The following CLDN10 variants were observed in gnomAD, a reference collection of about 807,000 sequenced individuals.
CLDN10 encodes claudin-10.
In CLDN10, 15 loss-of-function variants were observed where a neutral mutation model predicts 22.9. That is an observed-to-expected ratio of 0.65 (90% confidence interval 0.44 to 1.01). CLDN10 has a LOEUF of 1.01. Among genes scored for constraint, CLDN10 ranks in the 50% least tolerant of loss-of-function variants. CLDN10 has a pLI of 0.00. For synonymous variants in CLDN10, 114 were observed against 111.4 expected (o/e 1.02, Z -0.15); for missense variants, 247 against 287.8 (o/e 0.86, Z 1.03).
intron 1 of CLDN10, among the ~76,000 whole-genome samples, chr13:95,496,677 C>T (rs1290567749): frequency 2.0e-5 from 3 of 152,204 alleles, no homozygotes; most frequent in Admixed American, 1.3e-4. Context: ...TGACCCAGCC[C>T]TTGTCTCTTC....
At chr13:95,500,819 G>A (rs1341804657) in intron 1 of CLDN10, among the ~76,000 whole-genome samples, 2 of 151,944 alleles carry the variant, frequency 1.3e-5, no homozygotes, top group African/African-American at 4.8e-5. Context: ...TTAGAGAAGT[G>A]ACCTCATTTT....
intron 1 of CLDN10, among the ~76,000 whole-genome samples, chr13:95,499,734 C>T (rs2042965516): frequency 6.6e-6 from 1 of 152,090 alleles, no homozygotes. Flanking sequence ...ATGGAATCAG[C>T]AGCGGAGCCC....
intron 1 of CLDN10, among the ~76,000 whole-genome samples, chr13:95,522,372 T>C (rs2043232243): frequency 6.6e-6 from 1 of 152,068 alleles, no homozygotes; most frequent in Non-Finnish European, 1.5e-5. Flanking sequence ...ATTTCTTTTT[T>C]GACAACTGAT....
chr13:95,481,948 G>C (rs1368658872), intron 1 of CLDN10, among the ~76,000 whole-genome samples: 1 of 152,178 alleles, frequency 6.6e-6, no homozygotes, highest in Non-Finnish European at 1.5e-5. Context: ...GAACCCAGGA[G>C]GCGGAGGTTG....
intron 1 of CLDN10, chr13:95,434,131 G>C: frequency 2.4e-6 from 3 of 1,236,466 alleles, no homozygotes; most frequent in Non-Finnish European, 3.5e-6. Flanking sequence ...ATGGCTGGCT[G>C]TTAACTCTCT....
At chr13:95,521,442 T>C (rs1309144997) in intron 1 of CLDN10, among the ~76,000 whole-genome samples, 2 of 152,162 alleles carry the variant, frequency 1.3e-5, no homozygotes, top group Non-Finnish European at 2.9e-5. Flanking sequence ...GGGATGGTCA[T>C]ATTATTTCTC....
chr13:95,498,136 G>A (rs1594565481), intron 1 of CLDN10, among the ~76,000 whole-genome samples: 1 of 152,206 alleles, frequency 6.6e-6, no homozygotes. Context: ...GAATCTGAAG[G>A]TCAGTGTGTG....
intron 1 of CLDN10, among the ~76,000 whole-genome samples, chr13:95,555,054 T>TTTG (rs1334296395): frequency 7.4e-5 from 11 of 149,368 alleles, no homozygotes; most frequent in Non-Finnish European, 1.0e-4. Context: ...CCAGTTTTTT[T>TTTG]TTTTTTTTTT....
intron 1 of CLDN10, among the ~76,000 whole-genome samples, chr13:95,488,218 G>C (rs2042826707): frequency 6.7e-6 from 1 of 148,424 alleles, no homozygotes; most frequent in Non-Finnish European, 1.5e-5. Flanking sequence ...CTCTTGACCT[G>C]GGTGACAGAG....
chr13:95,555,217 A>C (rs1443927637), intron 1 of CLDN10, among the ~76,000 whole-genome samples: 1 of 151,686 alleles, frequency 6.6e-6, no homozygotes, highest in African/African-American at 2.4e-5. Context: ...TGCCCGGCTA[A>C]TTTTTTTTGC....
intron 1 of CLDN10, among the ~76,000 whole-genome samples, chr13:95,475,307 C>A (rs947468815): frequency 2.6e-5 from 4 of 152,160 alleles, no homozygotes; most frequent in African/African-American, 9.7e-5. Flanking sequence ...GGAGAAATAA[C>A]CTTGGTTCAA....
chr13:95,502,865 T>C (rs1396560869), intron 1 of CLDN10, among the ~76,000 whole-genome samples: 1 of 152,188 alleles, frequency 6.6e-6, no homozygotes, highest in African/African-American at 2.4e-5. Context: ...TCCCGATGCA[T>C]TATGCTCACT....
At position 95,575,532 on chromosome 13, in the gene CLDN10, G is replaced by A. The variant is rs576995220; in HGVS notation, c.465-1699G>A. ...TGAAAGTATCTTTTCTGAAACTCCC[G>A]GTCAGCACTCCTGATTTAGCCAGCT... On this transcript the variant is annotated intron_variant, in intron 3 of 4. Transcript: ENST00000299339. Among the ~76,000 whole-genome samples, 191 of 151,640 alleles carry A rather than the reference G, an allele frequency of 1.3e-3. 1 individual carries two copies. The highest frequency in any genetic ancestry group is 4.2e-3 in the African/African-American group (174 of 40,980).
rs747858836 is a variant in CLDN10 at position 95,579,097 on chromosome 13, G to A, written c.*1083G>A. On this transcript the variant is annotated 3_prime_UTR_variant, in exon 5 of 5. Coordinates refer to ENST00000299339, the MANE Select transcript of CLDN10 (RefSeq NM_006984.5). ...TTATATCCTACTGCTCAAGGTCATC[G>A]CCAAGGTGTGATTGGAAAAATTCAA... The A allele has an allele frequency of 2.6e-5, 4 of 152,174 alleles. No homozygotes were observed. The highest frequency in any genetic ancestry group is 4.8e-5 in the African/African-American group (2 of 41,432). The allele number at this position is 152,174 out of a possible 1,614,324, so 9.4% of individuals were successfully genotyped here.
At chr13:95,434,021 C>A in exon 1 of CLDN10, 1 of 1,614,062 alleles carries the variant, frequency 6.2e-7, no homozygotes, top group Non-Finnish European at 8.5e-7. Flanking sequence ...CATTGCCGAC[C>A]GCATTTTACT....
At chr13:95,471,440 C>CACATATATATAT (rs746573300) in intron 1 of CLDN10, among the ~76,000 whole-genome samples, 4 of 104,404 alleles carry the variant, frequency 3.8e-5, no homozygotes, top group Non-Finnish European at 5.6e-5. Context: ...CACACACACA[C>CACATATATATAT]ATATATATAT....
At chr13:95,483,487 G>C (rs1287039229) in intron 1 of CLDN10, among the ~76,000 whole-genome samples, 1 of 152,108 alleles carries the variant, frequency 6.6e-6, no homozygotes, top group Non-Finnish European at 1.5e-5. Context: ...AGGATTATAG[G>C]CATGACCCAC....
intron 1 of CLDN10, among the ~76,000 whole-genome samples, chr13:95,524,066 A>T (rs35556246): frequency 0.1 from 14,911 of 149,788 alleles, 898 homozygotes; most frequent in Middle Eastern, 0.13. Flanking sequence ...CTATATGTCC[A>T]ACGTTTGGTC....
At chr13:95,478,832 G>A (rs181942625) in intron 1 of CLDN10, among the ~76,000 whole-genome samples, 1 of 152,348 alleles carries the variant, frequency 6.6e-6, no homozygotes, top group African/African-American at 2.4e-5. Flanking sequence ...CATGTCCTGT[G>A]AGCATCTTCG....
Sources: allele counts gnomAD v4.1 joint callset (sites outside exome capture counted in the v4.1 genomes callset), GRCh38; gene constraint gnomAD v4.1.1; transcripts MANE v1.5; gene names NCBI Gene and HGNC (gene_info 2026-07-23, HGNC 2026-07-21).